The following EFR3A variants were observed in gnomAD, a reference collection of about 807,000 sequenced individuals.
The protein encoded by EFR3A is EFR3 homolog A.
Under a neutral mutation model 104.4 loss-of-function variants are expected in EFR3A, and 76 were observed. The observed-to-expected ratio is 0.73, with a 90% confidence interval of 0.60 to 0.88. EFR3A has a LOEUF of 0.88. Ranked by LOEUF, EFR3A falls within the 40% of genes least tolerant of loss-of-function variation. EFR3A has a pLI of 0.00. For missense variants in EFR3A, 985 were observed against 1,012.5 expected, an observed-to-expected ratio of 0.97 and a Z score of 0.37; for synonymous variants, 330 against 330.0, an observed-to-expected ratio of 1.00 and a Z score of 0.00.
intron 1 of EFR3A, chr8:131,935,587 T>G (rs1817840433): frequency 2.5e-6 from 1 of 407,698 alleles, no homozygotes; most frequent in African/African-American, 2.1e-5. Context: ...AATTGCTACA[T>G]AGAAGGTGTA....
At chr8:131,986,075 G>T (rs1391520610) in intron 16 of EFR3A, 119 bp from the exon 17 acceptor site, 5 of 464,084 alleles carry the variant, frequency 1.1e-5, no homozygotes, top group African/African-American at 8.1e-5. Flanking sequence ...AAAACAAAGT[G>T]ATGTTATTTC....
At chr8:131,956,002 G>A (rs1818969656) in intron 7 of EFR3A, 97 bp downstream of exon 7, 3 of 1,387,006 alleles carry the variant, frequency 2.2e-6, no homozygotes, top group African/African-American at 1.4e-5. Flanking sequence ...ACTTGCATGA[G>A]TGAGTTATTA....
At chr8:131,916,715 G>A (rs1332203507) in intron 1 of EFR3A, among the ~76,000 whole-genome samples, 4 of 152,198 alleles carry the variant, frequency 2.6e-5, no homozygotes, top group South Asian at 4.1e-4. Context: ...TTTGCAGGAT[G>A]AGAGTTATGC....
chr8:131,968,179 C>A, intron 8 of EFR3A, 116 bp from the exon 9 acceptor site: 1 of 910,714 alleles, frequency 1.1e-6, no homozygotes, highest in Non-Finnish European at 1.6e-6. Context: ...TGTCTCATAA[C>A]ATGACCACCA....
chr8:131,905,357 AGTG>A (rs1295639088), intron 1 of EFR3A, among the ~76,000 whole-genome samples: 3 of 152,308 alleles, frequency 2.0e-5, no homozygotes, highest in East Asian at 1.9e-4. Flanking sequence ...CGTTTCGTCT[AGTG>A]GTGGGAAAAG....
chr8:131,926,095 G>T (rs1586545446), intron 1 of EFR3A, among the ~76,000 whole-genome samples: 1 of 151,978 alleles, frequency 6.6e-6, no homozygotes, highest in East Asian at 1.9e-4. Context: ...TTATTGTGTT[G>T]TAAGACTAGA....
rs148383627 is a variant in EFR3A, at chr8:131,969,856, G to A, written c.992-620G>A. On this transcript the variant is annotated intron_variant, in intron 9 of 22. Transcript: ENST00000254624. ...TACGTTTGAAGAGGCATTTAAACAC[G>A]GCTGCCTTTCCTGAAGAAGCTTAAA... 3.5e-3 allele frequency among the ~76,000 whole-genome samples: 534 copies of A among 152,204 alleles called. 3 individuals are homozygous for A. The highest frequency in any genetic ancestry group is 0.012 in the African/African-American group (508 of 41,548).
Position 131,986,789 on chromosome 8 carries a change from C to CAA in EFR3A, c.1937+546_1937+547dup, listed in dbSNP as rs10569128. Among the ~76,000 whole-genome samples the CAA allele has an allele frequency of 6.7e-3, 454 of 67,894 alleles. 1 individual carries two copies. Among genetic ancestry groups the CAA allele is most frequent in the Non-Finnish European group, 0.011 (341 of 31,782 alleles). 44.5% of individuals were successfully genotyped at this position (67,894 alleles called of 152,430 possible). On this transcript the variant is annotated intron_variant, in intron 17 of 22. Coordinates refer to ENST00000254624, the MANE Select transcript of EFR3A (RefSeq NM_015137.6). ...AAAAGAGCAGAGCGAGACTCCATCTCAAAAAAAAAAAAAAAAAAAGAATAA... is the reference window on the plus strand; with the variant it reads ...AAAAGAGCAGAGCGAGACTCCATCTCAAAAAAAAAAAAAAAAAAAAAGAATAA...
At chr8:131,913,279 T>A (rs1241488639) in intron 1 of EFR3A, among the ~76,000 whole-genome samples, 2 of 152,064 alleles carry the variant, frequency 1.3e-5, no homozygotes, top group East Asian at 3.9e-4. Flanking sequence ...TTTGCCGGGT[T>A]TATTCAGTTC....
intron 10 of EFR3A, among the ~76,000 whole-genome samples, chr8:131,973,750 G>C (rs1048407058): frequency 2.0e-5 from 3 of 152,062 alleles, no homozygotes; most frequent in African/African-American, 7.2e-5. Context: ...TTTTAAAATA[G>C]TGAAGAACAT....
chr8:131,996,621 T>C (rs1488814122), intron 19 of EFR3A, 124 bp downstream of exon 19: 1 of 548,508 alleles, frequency 1.8e-6, no homozygotes, highest in Non-Finnish European at 3.2e-6. Flanking sequence ...ATCAACTAAA[T>C]TATTAGTAGA....
Position 131,999,857 on chromosome 8 carries a change from C to CT in EFR3A, c.2158-1902_2158-1901insT, listed in dbSNP as rs1821702337. Among the ~76,000 whole-genome samples the CT allele has an allele frequency of 1.3e-5, 2 of 152,008 alleles. 1 individual carries two copies. The highest frequency in any genetic ancestry group is 4.2e-4 in the South Asian group (2 of 4,814). On this transcript the variant is annotated intron_variant, in intron 19 of 22. Coordinates refer to ENST00000254624, the MANE Select transcript of EFR3A (RefSeq NM_015137.6). ...AGTGTCATTATTAGAGTTGTGCTTT[C>CT]ATAAAAAGAATCTCTCAAGTGTGAC...
chr8:131,997,121 A>G (rs1008167306), intron 19 of EFR3A, among the ~76,000 whole-genome samples: 39 of 152,062 alleles, frequency 2.6e-4, no homozygotes, highest in Non-Finnish European at 4.7e-4. Flanking sequence ...CTTATAGGGG[A>G]AAAAGCAGCC....
At chr8:131,948,294 C>G (rs1000700763) in intron 4 of EFR3A, among the ~76,000 whole-genome samples, 2 of 152,106 alleles carry the variant, frequency 1.3e-5, no homozygotes, top group Non-Finnish European at 2.9e-5. Flanking sequence ...TATTTATTCT[C>G]TCCTTGCCTC....
At position 131,907,981 on chromosome 8, in the gene EFR3A, G is replaced by A. The variant is rs117783690; in HGVS notation, c.10+3659G>A. 3.7e-3 allele frequency among the ~76,000 whole-genome samples: 560 copies of A among 152,110 alleles called. 3 individuals are homozygous for A. The highest frequency in any genetic ancestry group is 7.0e-3 in the Non-Finnish European group (474 of 68,006). ...CATCTTTCAGTCTGTCCCCACTTGT[G>A]GGGACATGGGGCTACATTAATGATT... On this transcript the variant is annotated intron_variant, in intron 1 of 22. Coordinates refer to ENST00000254624, the MANE Select transcript of EFR3A (RefSeq NM_015137.6).
At chr8:131,940,472 A>G in intron 1 of EFR3A, 27 bp from the exon 2 acceptor site, 2 of 1,520,962 alleles carry the variant, frequency 1.3e-6, no homozygotes, top group Non-Finnish European at 1.8e-6. Flanking sequence ...TAATATCTGT[A>G]TTTCTTGATT....
intron 1 of EFR3A, 118 bp downstream of exon 1, chr8:131,904,440 A>G (rs1816138794): frequency 2.0e-6 from 2 of 986,542 alleles, no homozygotes; most frequent in African/African-American, 1.7e-5. Flanking sequence ...AGAGCCAGGA[A>G]GTGTCTGCGA....
intron 11 of EFR3A, 75 bp downstream of exon 11, chr8:131,976,216 C>T (rs1455333924): frequency 6.0e-6 from 6 of 999,306 alleles, no homozygotes; most frequent in East Asian, 5.3e-5. Flanking sequence ...AAAATGTTAA[C>T]GTTTTGTTTT....
intron 1 of EFR3A, among the ~76,000 whole-genome samples, chr8:131,933,285 A>G (rs115693134): frequency 1.5e-4 from 23 of 152,282 alleles, no homozygotes; most frequent in African/African-American, 5.3e-4. Flanking sequence ...GAAGATGGTC[A>G]GTGACATGTA....
Sources: allele counts gnomAD v4.1 joint callset (sites outside exome capture counted in the v4.1 genomes callset), GRCh38; gene constraint gnomAD v4.1.1; transcripts MANE v1.5; gene names NCBI Gene and HGNC (gene_info 2026-07-23, HGNC 2026-07-21).